The following NRG3 variants were observed in gnomAD, a reference collection of about 807,000 sequenced individuals.
The protein encoded by NRG3 is neuregulin 3, also known as pro-neuregulin-3, membrane-bound isoform.
In NRG3, 31 loss-of-function variants were observed where a neutral mutation model predicts 66.9. The ratio of observed to expected loss-of-function variants is 0.46; its 90% confidence interval spans 0.35 to 0.63. The LOEUF (loss-of-function observed/expected upper bound fraction) is 0.63. Among genes scored for constraint, NRG3 ranks in the 20% least tolerant of loss-of-function variants. The pLI, the probability that NRG3 is intolerant of heterozygous loss-of-function variation, is 0.00. For missense variants in NRG3, 910 were observed against 878.9 expected (o/e 1.04, Z -0.45); for synonymous variants, 393 against 359.4 (o/e 1.09, Z -1.06).
intron 8 of NRG3, among the ~76,000 whole-genome samples, chr10:82,982,115 T>C (rs1237545086): frequency 1.3e-5 from 2 of 152,186 alleles, no homozygotes; most frequent in East Asian, 1.9e-4. Flanking sequence ...ATCACATTTA[T>C]GGCTGATGAT....
chr10:82,476,568 C>G (rs182152677), intron 2 of NRG3, among the ~76,000 whole-genome samples: 9 of 152,276 alleles, frequency 5.9e-5, no homozygotes, highest in Admixed American at 4.6e-4. Context: ...ATGAATGCAT[C>G]TTGAAGACAT....
At chr10:82,036,782 C>A (rs578161521) in intron 1 of NRG3, among the ~76,000 whole-genome samples, 1 of 152,190 alleles carries the variant, frequency 6.6e-6, no homozygotes, top group South Asian at 2.1e-4. Context: ...TAACTAAATT[C>A]TGATCACCCA....
chr10:82,917,623 T>C (rs1845970543), intron 4 of NRG3, among the ~76,000 whole-genome samples: 1 of 152,178 alleles, frequency 6.6e-6, no homozygotes, highest in African/African-American at 2.4e-5. Flanking sequence ...TAACTTCATC[T>C]TCCTTGTTGG....
intron 4 of NRG3, among the ~76,000 whole-genome samples, chr10:82,910,393 T>A (rs984783548): frequency 1.3e-5 from 2 of 152,238 alleles, no homozygotes; most frequent in African/African-American, 2.4e-5. Context: ...AAGGACAGAA[T>A]AACTGCACCA....
At chr10:82,875,108 A>G (rs1841692711) in intron 4 of NRG3, among the ~76,000 whole-genome samples, 1 of 152,166 alleles carries the variant, frequency 6.6e-6, no homozygotes, top group Admixed American at 6.5e-5. Flanking sequence ...CAGAAGTTGT[A>G]TTGTATTGAA....
intron 1 of NRG3, among the ~76,000 whole-genome samples, chr10:82,336,529 C>CTTTTT (rs11345974): frequency 2.2e-5 from 3 of 137,840 alleles, no homozygotes; most frequent in Admixed American, 7.3e-5. Flanking sequence ...CTTTTCTTTT[C>CTTTTT]TTTTTTTTTT....
chr10:82,514,654 C>A (rs554785988), intron 2 of NRG3, among the ~76,000 whole-genome samples: 10 of 151,882 alleles, frequency 6.6e-5, no homozygotes, highest in Non-Finnish European at 1.0e-4. Flanking sequence ...TAGTTTGATA[C>A]CTCCAGTTTT....
chr10:82,374,329 C>T (rs1421653170), intron 2 of NRG3, among the ~76,000 whole-genome samples: 2 of 152,164 alleles, frequency 1.3e-5, no homozygotes, highest in African/African-American at 4.8e-5. Context: ...TCAAAGACGC[C>T]CACCAGTAGG....
At chr10:82,698,211 A>G (rs2055552031) in intron 2 of NRG3, among the ~76,000 whole-genome samples, 1 of 152,150 alleles carries the variant, frequency 6.6e-6, no homozygotes, top group Non-Finnish European at 1.5e-5. Flanking sequence ...ATGTTCTTGC[A>G]TGAACCATTT....
intron 1 of NRG3, among the ~76,000 whole-genome samples, chr10:82,305,180 A>G (rs1197345139): frequency 6.6e-6 from 1 of 151,552 alleles, no homozygotes; most frequent in Non-Finnish European, 1.5e-5. Flanking sequence ...TATTTTTAGT[A>G]GAGATGGGGT....
At chr10:82,326,247 A>G (rs1258344286) in intron 1 of NRG3, among the ~76,000 whole-genome samples, 7 of 152,220 alleles carry the variant, frequency 4.6e-5, no homozygotes, top group Middle Eastern at 3.4e-3. Flanking sequence ...GCAAATGTTT[A>G]TAAGAATTCT....
intron 1 of NRG3, among the ~76,000 whole-genome samples, chr10:82,270,604 A>G (rs928171643): frequency 6.6e-6 from 1 of 152,078 alleles, no homozygotes; most frequent in African/African-American, 2.4e-5. Flanking sequence ...GTCTTAATTC[A>G]TTCTTCAAGG....
At chr10:82,292,728 T>A (rs539227587) in intron 1 of NRG3, among the ~76,000 whole-genome samples, 1 of 152,316 alleles carries the variant, frequency 6.6e-6, no homozygotes, top group South Asian at 2.1e-4. Flanking sequence ...GCTAAATTTA[T>A]CAAGCCAATT....
intron 1 of NRG3, among the ~76,000 whole-genome samples, chr10:82,092,960 G>A (rs1378437127): frequency 6.6e-6 from 1 of 152,118 alleles, no homozygotes; most frequent in Non-Finnish European, 1.5e-5. Flanking sequence ...CTTTCCATGT[G>A]CAATGAAGGC....
At chr10:82,581,907 G>A (rs953883909) in intron 2 of NRG3, among the ~76,000 whole-genome samples, 1 of 148,630 alleles carries the variant, frequency 6.7e-6, no homozygotes, top group Non-Finnish European at 1.5e-5. Flanking sequence ...AACAATGTAA[G>A]GTCCGTGTTT....
chr10:81,882,177 G>A (rs1842239365), intron 1 of NRG3, among the ~76,000 whole-genome samples: 1 of 152,194 alleles, frequency 6.6e-6, no homozygotes, highest in African/African-American at 2.4e-5. Flanking sequence ...TCAGCTGGCA[G>A]TTGCAGCAGA....
chr10:82,482,167 A>G (rs1404443677), intron 2 of NRG3, among the ~76,000 whole-genome samples: 1 of 152,168 alleles, frequency 6.6e-6, no homozygotes, highest in African/African-American at 2.4e-5. Context: ...AAAAATCCAC[A>G]TGTAGAATTA....
intron 4 of NRG3, among the ~76,000 whole-genome samples, chr10:82,893,101 G>A (rs771137293): frequency 6.6e-5 from 10 of 152,148 alleles, no homozygotes; most frequent in Non-Finnish European, 1.0e-4. Flanking sequence ...GATATGAAGT[G>A]TATAATTAAG....
intron 2 of NRG3, among the ~76,000 whole-genome samples, chr10:82,722,175 G>T (rs2057357346): frequency 6.6e-6 from 1 of 152,156 alleles, no homozygotes; most frequent in South Asian, 2.1e-4. Flanking sequence ...CCTGGTTGTT[G>T]TTCGACCCCT....
Sources: gnomAD v4.1 joint callset for allele counts (sites outside exome capture counted in the v4.1 genomes callset) on GRCh38, gnomAD v4.1.1 for gene constraint, MANE v1.5 for transcripts, NCBI Gene and HGNC (gene_info 2026-07-23, HGNC 2026-07-21) for gene names.